The following NUDCD1 variants were observed in gnomAD, a reference collection of about 807,000 sequenced individuals.
The protein encoded by NUDCD1 is nudC domain-containing protein 1.
In NUDCD1, 60 loss-of-function variants were observed where a neutral mutation model predicts 67.8. That is an observed-to-expected ratio of 0.88 (90% CI 0.72 to 1.10). The LOEUF (loss-of-function observed/expected upper bound fraction) is 1.10, where lower values mean the gene tolerates loss of function less well. Ranked by LOEUF, NUDCD1 falls within the 50% of genes least tolerant of loss-of-function variation. The pLI is 0.00. For synonymous variants in NUDCD1, 244 were observed against 230.8 expected (o/e 1.06, Z -0.52); for missense variants, 643 against 695.0 (o/e 0.93, Z 0.84).
intron 9 of NUDCD1, among the ~76,000 whole-genome samples, chr8:109,244,720 T>A (rs1427728751): frequency 2.6e-5 from 4 of 152,196 alleles, no homozygotes; most frequent in African/African-American, 9.6e-5. Flanking sequence ...CTAATGCATT[T>A]TGACAGAAAA....
At chr8:109,264,850 ACTT>A (rs1427108331) in intron 8 of NUDCD1, among the ~76,000 whole-genome samples, 4 of 150,782 alleles carry the variant, frequency 2.7e-5, no homozygotes, top group South Asian at 2.1e-4. Context: ...CATTCCTCCT[ACTT>A]TTTTTTTTTT....
chr8:109,243,862 G>A (rs889399897), intron 9 of NUDCD1, among the ~76,000 whole-genome samples: 5 of 151,802 alleles, frequency 3.3e-5, no homozygotes, highest in African/African-American at 7.3e-5. Context: ...CACTGTAACT[G>A]GATTTTTTTG....
intron 2 of NUDCD1, among the ~76,000 whole-genome samples, chr8:109,314,394 C>T (rs766045828): frequency 8.5e-5 from 13 of 152,220 alleles, no homozygotes; most frequent in Admixed American, 3.9e-4. Flanking sequence ...TATCACCAAA[C>T]TCTATGAAGT....
intron 5 of NUDCD1, among the ~76,000 whole-genome samples, chr8:109,281,916 T>G (rs1814447163): frequency 6.6e-6 from 1 of 152,138 alleles, no homozygotes; most frequent in Non-Finnish European, 1.5e-5. Flanking sequence ...GTGCAGAGAT[T>G]TTCATACAGA....
chr8:109,266,312 G>A (rs1032627001), intron 8 of NUDCD1, among the ~76,000 whole-genome samples: 4 of 150,302 alleles, frequency 2.7e-5, no homozygotes, highest in African/African-American at 9.8e-5. Context: ...TGCAAGCTCC[G>A]CCTCCCAGGT....
At chr8:109,320,586 G>A (rs185850796) in intron 2 of NUDCD1, among the ~76,000 whole-genome samples, 7 of 152,196 alleles carry the variant, frequency 4.6e-5, no homozygotes, top group African/African-American at 1.4e-4. Context: ...AATTATTACA[G>A]GGTCCTGAGG....
chr8:109,261,870 G>A (rs1813869876), intron 8 of NUDCD1, among the ~76,000 whole-genome samples: 1 of 152,028 alleles, frequency 6.6e-6, no homozygotes, highest in African/African-American at 2.4e-5. Context: ...AGGACTCACA[G>A]GGCCTCACTA....
intron 2 of NUDCD1, chr8:109,313,934 T>C (rs1458208421): frequency 2.1e-6 from 1 of 475,694 alleles, no homozygotes; most frequent in Non-Finnish European, 3.9e-6. Context: ...AGGAAACACA[T>C]AGTGGCTCTC....
At chr8:109,329,787 A>T in intron 1 of NUDCD1, 1 of 1,547,882 alleles carries the variant, frequency 6.5e-7, no homozygotes, top group Non-Finnish European at 8.7e-7. Flanking sequence ...TTGTGAGACA[A>T]ATTTATGTCC....
chr8:109,257,451 C>T (rs938603583), intron 8 of NUDCD1, among the ~76,000 whole-genome samples: 1 of 151,910 alleles, frequency 6.6e-6, no homozygotes, highest in African/African-American at 2.4e-5. Flanking sequence ...TTAAGGAAAA[C>T]CTAAATAAAT....
At chr8:109,275,163 T>C (rs1229180011) in intron 7 of NUDCD1, among the ~76,000 whole-genome samples, 189 bp downstream of exon 7, 2 of 152,176 alleles carry the variant, frequency 1.3e-5, no homozygotes, top group Non-Finnish European at 1.5e-5. Flanking sequence ...CATATATGTA[T>C]GTATTTACAT....
At chr8:109,289,121 A>G (rs1465413631) in intron 5 of NUDCD1, among the ~76,000 whole-genome samples, 1 of 151,684 alleles carries the variant, frequency 6.6e-6, no homozygotes, top group Non-Finnish European at 1.5e-5. Flanking sequence ...CACTACAGGC[A>G]CCCACCACCA....
chr8:109,252,156 C>A (rs1586250301), intron 8 of NUDCD1, among the ~76,000 whole-genome samples: 1 of 151,982 alleles, frequency 6.6e-6, no homozygotes, highest in Non-Finnish European at 1.5e-5. Context: ...TGCTTCCTAG[C>A]CTGATGGTGA....
chr8:109,248,067 G>C (rs949124865), intron 8 of NUDCD1, among the ~76,000 whole-genome samples: 1 of 152,178 alleles, frequency 6.6e-6, no homozygotes, highest in African/African-American at 2.4e-5. Context: ...GAGGGCCACA[G>C]ACACAGAAGG....
chr8:109,288,251 G>A (rs1814620669), intron 5 of NUDCD1, among the ~76,000 whole-genome samples: 1 of 152,170 alleles, frequency 6.6e-6, no homozygotes, highest in South Asian at 2.1e-4. Context: ...AACACATGAT[G>A]TGTCCCACTT....
Position 109,255,432 on chromosome 8 carries a change from T to G in NUDCD1, c.1300-9951A>C, listed in dbSNP as rs553620702. Among the ~76,000 whole-genome samples the G allele has an allele frequency of 6.6e-4, 101 of 152,328 alleles. 1 individual carries two copies. The highest frequency in any genetic ancestry group is 3.4e-3 in the Middle Eastern group (1 of 294). On this transcript the variant is annotated intron_variant, in intron 8 of 9. Coordinates refer to ENST00000239690, the MANE Select transcript of NUDCD1 (RefSeq NM_032869.4). ...GCATAGGAAGATGTCAGATCTTAGC[T>G]AAGTGGTATAAAATACAACTGGTGG...
chr8:109,311,559 G>GTATATATATATA lies in NUDCD1; in HGVS notation c.273+10738_273+10749dup, dbSNP rs1554617136. ...AATGAGTGGATAAAGAAACTGTGGT[G>GTATATATATATA]TATATATATATATGATGGGATACTG... On this transcript the variant is annotated intron_variant, in intron 2 of 9. Transcript: ENST00000239690. Among the ~76,000 whole-genome samples, 7 of 125,122 alleles carry GTATATATATATA rather than the reference G, an allele frequency of 5.6e-5. 1 individual carries two copies. The highest frequency in any genetic ancestry group is 2.0e-4 in the East Asian group (1 of 4,928). The allele number at this position is 125,122 out of a possible 152,430, so 82.1% of individuals were successfully genotyped here.
intron 6 of NUDCD1, among the ~76,000 whole-genome samples, chr8:109,279,760 T>A (rs1814386890): frequency 6.6e-6 from 1 of 152,048 alleles, no homozygotes; most frequent in Non-Finnish European, 1.5e-5. Context: ...GCCTCCCAAG[T>A]AGCTGGGATT....
Position 109,296,397 on chromosome 8 carries a change from G to A in NUDCD1, c.446C>T (p.Ser149Phe). ...IGTGERGNSA[S>F]EKWEIMFNEE... ...ACAAACCCTCACCTCCCATTTTTCA[G>A]AAGCGCTATTTCCACGTTCACCTGT... The change falls in exon 3 of 10, where the codon TCT (serine) becomes TTT (phenylalanine). Residue 149 changes from serine (S) to phenylalanine (F), a missense_variant. By Grantham distance (155) the Ser-to-Phe change is radical (BLOSUM62 -2). Coordinates refer to ENST00000239690, the MANE Select transcript of NUDCD1 (RefSeq NM_032869.4). 1 of 1,612,226 alleles carries A rather than the reference G, an allele frequency of 6.2e-7. No individual in the cohort carries two copies.
Sources: allele counts gnomAD v4.1 joint callset (sites outside exome capture counted in the v4.1 genomes callset), GRCh38; gene constraint gnomAD v4.1.1; transcripts MANE v1.5; gene names NCBI Gene and HGNC (gene_info 2026-07-23, HGNC 2026-07-21).